The following PKHD1L1 variants were observed in gnomAD, a reference collection of about 807,000 sequenced individuals.
PKHD1L1 encodes the protein PKHD1 like 1, also known as fibrocystin-L.
A neutral mutation model predicts 462.9 loss-of-function variants in PKHD1L1; 434 were observed. The ratio of observed to expected loss-of-function variants is 0.94; its 90% CI spans 0.87 to 1.02. PKHD1L1 has a LOEUF of 1.02. Among genes scored for constraint, PKHD1L1 ranks in the 50% least tolerant of loss-of-function variants. The pLI, the probability that PKHD1L1 is intolerant of heterozygous loss-of-function variation, is 0.00. For missense variants in PKHD1L1, 5,202 were observed against 5,096.1 expected, an observed-to-expected ratio of 1.02 and a Z score of -0.63; for synonymous variants, 1,781 against 1,750.0, an observed-to-expected ratio of 1.02 and a Z score of -0.44.
At chr8:109,529,952 G>T in intron 77 of PKHD1L1, 128 bp from the exon 78 acceptor site, 1 of 484,842 alleles carries the variant, frequency 2.1e-6, no homozygotes, top group Non-Finnish European at 3.3e-6. Flanking sequence ...ACATTAAATG[G>T]GTAAACTTGG....
At chr8:109,370,678 G>T (rs1403299523) in intron 2 of PKHD1L1, among the ~76,000 whole-genome samples, 3 of 151,828 alleles carry the variant, frequency 2.0e-5, no homozygotes, top group African/African-American at 7.3e-5. Flanking sequence ...CCCACAACAG[G>T]CCCCAGTGTG....
intron 50 of PKHD1L1, chr8:109,470,981 A>T: frequency 6.2e-7 from 1 of 1,610,730 alleles, no homozygotes; most frequent in South Asian, 1.1e-5. Context: ...GCTCGAGTCC[A>T]TAGGCATCCC....
chr8:109,393,959 G>A (rs2130497862), intron 9 of PKHD1L1, among the ~76,000 whole-genome samples: 1 of 152,118 alleles, frequency 6.6e-6, no homozygotes, highest in South Asian at 2.1e-4. Flanking sequence ...GGATCACGAG[G>A]TTAAGGGATC....
At chr8:109,398,804 C>T (rs898088652) in intron 12 of PKHD1L1, among the ~76,000 whole-genome samples, 1 of 152,030 alleles carries the variant, frequency 6.6e-6, no homozygotes, top group Non-Finnish European at 1.5e-5. Flanking sequence ...TCTCTACTGA[C>T]AGAGTTTAAT....
chr8:109,495,548 G>A (rs193234794), intron 63 of PKHD1L1, among the ~76,000 whole-genome samples: 112 of 152,192 alleles, frequency 7.4e-4, no homozygotes, highest in African/African-American at 1.9e-3. Context: ...AAGAGTCTGG[G>A]AAACTGGGGA....
At chr8:109,399,081 G>A (rs913452782) in intron 12 of PKHD1L1, among the ~76,000 whole-genome samples, 1 of 152,084 alleles carries the variant, frequency 6.6e-6, no homozygotes, top group Non-Finnish European at 1.5e-5. Flanking sequence ...CGTGTGGTGT[G>A]TATCTCATAT....
rs1457220904 is a variant in PKHD1L1, at chr8:109,479,593, T to C, written c.9132T>C (p.Asn3044=). 6.5e-7 allele frequency: 1 copy of C among 1,538,910 alleles called. No individual in the cohort carries two copies. Among genetic ancestry groups the C allele is most frequent in the Non-Finnish European group, 8.9e-7 (1 of 1,119,644 alleles). ...CTTTTTGGCAATCATCACGAGAAAA[T>C]AATTATACTGTACCTCACCCAGGGG... is the stretch of plus-strand genomic sequence containing the variant. The part of the protein sequence containing the change: ...NDSFWQSSRE[N]NYTVPHPGAN... Residue 3044 remains asparagine (N), a synonymous_variant, in exon 54 of 78, where the codon AAT becomes AAC. Coordinates refer to ENST00000378402, the MANE Select transcript of PKHD1L1 (RefSeq NM_177531.6).
At chr8:109,438,266 C>T in intron 30 of PKHD1L1, 58 bp from the exon 31 acceptor site, 8 of 1,199,434 alleles carry the variant, frequency 6.7e-6, no homozygotes, top group Non-Finnish European at 9.1e-6. Flanking sequence ...TCTTTTCATC[C>T]CTTGCATTTC....
Position 109,388,497 on chromosome 8 carries a change from A to T in PKHD1L1, c.570A>T (p.Arg190Ser). Reference sequence around the variant, plus strand: ...TTTTCTAATAAAAATATTTGTACAGAGTTTACATTGGAGGAATGCCCTGTG... The same window carrying T: ...TTTTCTAATAAAAATATTTGTACAGTGTTTACATTGGAGGAATGCCCTGTG... Reference protein sequence around the residue: ...SSNGKNVRILRVYIGGMPCEL... With the variant: ...SSNGKNVRILSVYIGGMPCEL... The change falls in exon 7 of 78, where the codon AGA (arginine) becomes AGT (serine). Residue 190 changes from arginine (R) to serine (S), a missense_variant and splice_region_variant. Arg to Ser is a moderately radical substitution (Grantham distance 110, BLOSUM62 -1). This residue lies in a region of PKHD1L1 where 4,497 missense variants were observed against 4,336.8 expected (regional missense o/e 1.04). Coordinates refer to ENST00000378402, the MANE Select transcript of PKHD1L1 (RefSeq NM_177531.6). The T allele has an allele frequency of 6.6e-7, 1 of 1,504,864 alleles. No homozygotes were observed. The highest frequency in any genetic ancestry group is 9.0e-7 in the Non-Finnish European group (1 of 1,106,570). 93.2% of individuals were successfully genotyped at this position (1,504,864 alleles called of 1,614,324 possible). A position where few individuals can be genotyped will look rare whatever the true frequency, so the allele number is the denominator to read the frequency against.
intron 42 of PKHD1L1, 105 bp from the exon 43 acceptor site, chr8:109,452,613 T>C: frequency 1.8e-6 from 1 of 564,584 alleles, no homozygotes; most frequent in East Asian, 5.3e-5. Flanking sequence ...ATATTTACTA[T>C]ATAATATAAA....
At chr8:109,492,970 T>G (rs983649228) in intron 62 of PKHD1L1, among the ~76,000 whole-genome samples, 1 of 151,746 alleles carries the variant, frequency 6.6e-6, no homozygotes, top group Non-Finnish European at 1.5e-5. Context: ...AACTAGTCAA[T>G]GTCTCCACTG....
chr8:109,409,083 A>G (rs1813706123), intron 18 of PKHD1L1, among the ~76,000 whole-genome samples: 1 of 152,210 alleles, frequency 6.6e-6, no homozygotes, highest in Non-Finnish European at 1.5e-5. Context: ...TAAAGAGTAT[A>G]TATTGTCTCA....
Position 109,477,212 on chromosome 8 carries a change from A to T in PKHD1L1, c.8918-13A>T. The T allele has an allele frequency of 6.2e-7, 1 of 1,612,518 alleles. No homozygotes were observed. ...CACTATGTTCATTTAACCCACTTTT[A>T]CTTCACTTTCAGTGTCAGGAAGAAA... On this transcript the variant is annotated splice_polypyrimidine_tract_variant and intron_variant, in intron 52 of 77. Transcript: ENST00000378402.
chr8:109,522,740 A>G lies in PKHD1L1; in HGVS notation c.12184-4A>G. Reference sequence around the variant, plus strand: ...AAACCAGTTCATCCCTTGTGCATTCACAGGTGACTGCCCAGCCAGTTGAAA... The same window carrying G: ...AAACCAGTTCATCCCTTGTGCATTCGCAGGTGACTGCCCAGCCAGTTGAAA... On this transcript the variant is annotated splice_region_variant and splice_polypyrimidine_tract_variant and intron_variant, in intron 74 of 77. Transcript: ENST00000378402. 6.2e-7 allele frequency: 1 copy of G among 1,606,058 alleles called. No homozygotes were observed. Among genetic ancestry groups the G allele is most frequent in the Non-Finnish European group, 8.5e-7 (1 of 1,177,702 alleles).
intron 15 of PKHD1L1, 28 bp from the exon 16 acceptor site, chr8:109,404,966 AT>A: frequency 7.4e-7 from 1 of 1,356,228 alleles, no homozygotes; most frequent in South Asian, 1.5e-5. Context: ...TTTTTCATAT[AT>A]TAAAAATGTT....
intron 59 of PKHD1L1, among the ~76,000 whole-genome samples, chr8:109,488,683 G>A (rs77403626): frequency 0.011 from 1,736 of 152,020 alleles, 27 homozygotes; most frequent in African/African-American, 0.04. Flanking sequence ...GCAAACAGCA[G>A]TCTCACTATA....
chr8:109,443,733 C>A lies in PKHD1L1; in HGVS notation c.4622C>A (p.Pro1541His). Residue 1541 changes from proline to histidine, a missense_variant, in exon 37 of 78, where the codon CCC becomes CAC. Physicochemically the swap from Pro to His is moderately conservative, Grantham distance 77 (BLOSUM62 -2). Around this residue, in one of 3 missense-constraint regions of PKHD1L1, gnomAD observed 4,497 missense variants for 4,336.8 expected, o/e 1.04. Transcript: ENST00000378402. Reference protein sequence around the residue: ...SSVAGCLATEPLCSLNNTRVK... With the variant: ...SSVAGCLATEHLCSLNNTRVK... ...GTGGCAGGCTGCCTAGCAACAGAAC[C>A]CCTGTGCAGCCTGAACAATACCAGG... 1 of 1,613,660 alleles carries A rather than the reference C, an allele frequency of 6.2e-7. No individual in the cohort carries two copies. Among genetic ancestry groups the A allele is most frequent in the Non-Finnish European group, 8.5e-7 (1 of 1,179,730 alleles).
intron 77 of PKHD1L1, among the ~76,000 whole-genome samples, chr8:109,528,061 T>C (rs561448517): frequency 6.6e-5 from 10 of 152,180 alleles, no homozygotes; most frequent in Middle Eastern, 6.8e-3. Flanking sequence ...GACAGAGACA[T>C]TGAATATTAG....
intron 50 of PKHD1L1, among the ~76,000 whole-genome samples, chr8:109,474,417 A>G (rs1004248521): frequency 9.2e-5 from 14 of 152,314 alleles, no homozygotes; most frequent in Admixed American, 4.6e-4. Context: ...TGACCAAAGC[A>G]TTACTAAATT....
Sources: allele counts gnomAD v4.1 joint callset (sites outside exome capture counted in the v4.1 genomes callset), GRCh38; gene constraint gnomAD v4.1.1; regional missense constraint gnomAD v4.1.1; transcripts MANE v1.5; gene names NCBI Gene and HGNC (gene_info 2026-07-23, HGNC 2026-07-21).